Variants in HTR2C observed in about 807,000 individuals in gnomAD.
The protein encoded by HTR2C is 5-hydroxytryptamine receptor 2C.
HTR2C carries 5 observed loss-of-function variants against 21.0 expected under a neutral mutation model. That is an observed-to-expected ratio of 0.24 (90% CI 0.12 to 0.50). The LOEUF (loss-of-function observed/expected upper bound fraction) is 0.50. HTR2C is among the 20% of genes least tolerant of loss of function. HTR2C has a pLI of 0.98. For synonymous variants in HTR2C, 150 were observed against 145.3 expected (o/e 1.03, Z -0.23); for missense variants, 271 against 371.2 (o/e 0.73, Z 2.22).
At chrX:114,644,290 G>A (rs1193284290) in intron 2 of HTR2C, among the ~76,000 whole-genome samples, 1 of 98,815 alleles carries the variant, frequency 1.0e-5, no homozygotes, top group African/African-American at 3.7e-5. Context: ...AGGTTGCAAT[G>A]AGTAGAGATT....
At chrX:114,776,646 A>G in intron 4 of HTR2C, 1 of 503,984 alleles carries the variant, frequency 2.0e-6, no homozygotes, top group Middle Eastern at 3.5e-4. Context: ...GTGTTCATAA[A>G]GGTGACATAG....
At chrX:114,689,404 C>T (rs1932038794) in intron 2 of HTR2C, among the ~76,000 whole-genome samples, 1 of 109,389 alleles carries the variant, frequency 9.1e-6, no homozygotes, top group South Asian at 3.9e-4. Context: ...AATAGTAGTT[C>T]TACTTTCAGT....
intron 1 of HTR2C, among the ~76,000 whole-genome samples, chrX:114,610,060 C>T (rs1928657567): frequency 8.9e-6 from 1 of 111,899 alleles, no homozygotes; most frequent in African/African-American, 3.2e-5. Context: ...CTTAAAAAGT[C>T]AAAGTAGGCA....
At chrX:114,705,188 A>G (rs1369200615) in intron 2 of HTR2C, among the ~76,000 whole-genome samples, 2 of 109,629 alleles carry the variant, frequency 1.8e-5, no homozygotes, top group African/African-American at 6.6e-5. Flanking sequence ...GACTTTCTTC[A>G]CAATATTGGA....
In HTR2C at chrX:114,759,803, C is replaced by T. The variant is rs10127225; in HGVS notation, c.349+28196C>T. Among the ~76,000 whole-genome samples, 681 of 111,274 alleles carry T rather than the reference C, an allele frequency of 6.1e-3. 1 individual carries two copies. The highest frequency in any genetic ancestry group is 0.02 in the African/African-American group (626 of 30,583). On this transcript the variant is annotated intron_variant, in intron 4 of 5. Transcript: ENST00000276198. ...GGTCTGATCTCTCTTTCTCACACTT[C>T]GTGGAGTAACAACTTCCCCATACAC...
chrX:114,822,629 G>A (rs1556456725), intron 4 of HTR2C, among the ~76,000 whole-genome samples: 3 of 112,389 alleles, frequency 2.7e-5, no homozygotes, highest in African/African-American at 3.2e-5. Context: ...CAGCTTGAAA[G>A]GAGGTAGCTC....
chrX:114,846,629 T>A (rs781873597), intron 4 of HTR2C, among the ~76,000 whole-genome samples: 1 of 111,808 alleles, frequency 8.9e-6, no homozygotes, highest in African/African-American at 3.2e-5. Flanking sequence ...GATAAAAAAA[T>A]GTTCAACAAA....
intron 2 of HTR2C, among the ~76,000 whole-genome samples, chrX:114,644,171 C>A (rs1248093256): frequency 2.9e-5 from 3 of 105,260 alleles, no homozygotes; most frequent in Non-Finnish European, 3.9e-5. Context: ...GGTGAAACCC[C>A]ATTTCTACTA....
At chrX:114,722,493 G>A (rs1490976283) in intron 2 of HTR2C, among the ~76,000 whole-genome samples, 1 of 110,965 alleles carries the variant, frequency 9.0e-6, no homozygotes, top group Non-Finnish European at 1.9e-5. Context: ...TTTCCTAATT[G>A]AATACCCTTT....
intron 4 of HTR2C, among the ~76,000 whole-genome samples, chrX:114,771,537 C>T (rs922977330): frequency 9.6e-6 from 1 of 104,701 alleles, no homozygotes; most frequent in East Asian, 3.1e-4. Context: ...ACTTCCTGCT[C>T]GAGTCCAGCA....
intron 2 of HTR2C, among the ~76,000 whole-genome samples, chrX:114,706,323 G>C (rs1393077433): frequency 2.8e-4 from 19 of 68,832 alleles, no homozygotes; most frequent in African/African-American, 1.0e-3. Flanking sequence ...GTCCAACAAT[G>C]ATAGACTGGA....
At chrX:114,677,798 C>T (rs1931610531) in intron 2 of HTR2C, among the ~76,000 whole-genome samples, 1 of 111,010 alleles carries the variant, frequency 9.0e-6, no homozygotes. Flanking sequence ...TCAAATAGAA[C>T]ATAAGAGAGC....
chrX:114,738,982 A>C (rs1416173190), intron 4 of HTR2C, among the ~76,000 whole-genome samples: 2 of 110,373 alleles, frequency 1.8e-5, no homozygotes, highest in East Asian at 5.6e-4. Context: ...GAATATTGAT[A>C]ATTATATTAA....
At chrX:114,777,903 G>T (rs782613912) in intron 4 of HTR2C, among the ~76,000 whole-genome samples, 1 of 111,978 alleles carries the variant, frequency 8.9e-6, no homozygotes, top group Non-Finnish European at 1.9e-5. Context: ...CTAATGGAAA[G>T]CTGAAATGTT....
chrX:114,751,533 G>T (rs1182027241), intron 4 of HTR2C, among the ~76,000 whole-genome samples: 2 of 111,794 alleles, frequency 1.8e-5, no homozygotes, highest in African/African-American at 3.2e-5. Flanking sequence ...AACTCAAATT[G>T]TTCCCTAGAA....
chrX:114,595,738 A>G (rs1457488629), intron 1 of HTR2C, among the ~76,000 whole-genome samples: 3 of 111,472 alleles, frequency 2.7e-5, no homozygotes, highest in African/African-American at 6.5e-5. Flanking sequence ...AAAGAATCAG[A>G]CATTCATTTG....
chrX:114,716,618 A>G (rs1457317425), intron 2 of HTR2C, among the ~76,000 whole-genome samples: 2 of 111,850 alleles, frequency 1.8e-5, no homozygotes, highest in Non-Finnish European at 3.8e-5. Context: ...AATTTCATTG[A>G]TGATAATAAC....
intron 5 of HTR2C, among the ~76,000 whole-genome samples, chrX:114,855,427 A>G (rs1349097531): frequency 1.8e-5 from 2 of 111,297 alleles, no homozygotes; most frequent in Admixed American, 9.6e-5. Flanking sequence ...TACGTTGATA[A>G]TCTTCATCAA....
intron 5 of HTR2C, among the ~76,000 whole-genome samples, chrX:114,899,705 C>T (rs1253898511): frequency 2.7e-5 from 3 of 110,955 alleles, no homozygotes; most frequent in Non-Finnish European, 5.7e-5. Flanking sequence ...AGTTGTTTCC[C>T]TGATCAGTCC....
Sources: gnomAD v4.1 joint callset for allele counts (sites outside exome capture counted in the v4.1 genomes callset) on GRCh38, gnomAD v4.1.1 for gene constraint, MANE v1.5 for transcripts, NCBI Gene and HGNC (gene_info 2026-07-23, HGNC 2026-07-21) for gene names.